MALRD1: variants seen among roughly 807,000 people sequenced by gnomAD.
MALRD1 encodes MAM and LDL-receptor class A domain-containing protein 1.
Under a neutral mutation model 242.1 loss-of-function variants are expected in MALRD1, and 247 were observed. The ratio of observed to expected loss-of-function variants is 1.02; its 90% CI spans 0.92 to 1.13. The LOEUF is 1.13. Ranked by LOEUF, MALRD1 falls within the 50% of genes most tolerant of loss-of-function variation. The pLI is 0.00. For synonymous variants in MALRD1, 995 were observed against 866.6 expected (o/e 1.15, Z -2.60); for missense variants, 2,989 against 2,533.1 (o/e 1.18, Z -3.86).
chr10:19,708,340 C>CTT (rs545136011), intron 38 of MALRD1, among the ~76,000 whole-genome samples: 28 of 76,094 alleles, frequency 3.7e-4, no homozygotes, highest in African/African-American at 1.1e-3. Context: ...TTTTCTTTTT[C>CTT]TTTTTTTTTT....
At chr10:19,242,366 A>T (rs534527643) in intron 18 of MALRD1, among the ~76,000 whole-genome samples, 17 of 152,282 alleles carry the variant, frequency 1.1e-4, no homozygotes, top group African/African-American at 4.1e-4. Flanking sequence ...AGCTATAATC[A>T]AGATGAGATT....
At chr10:19,171,675 TACAC>T (rs1296873030) in intron 13 of MALRD1, among the ~76,000 whole-genome samples, 4 of 142,874 alleles carry the variant, frequency 2.8e-5, no homozygotes, top group African/African-American at 5.1e-5. Context: ...TGTATATAAA[TACAC>T]ACATATATGT....
chr10:19,436,715 G>C (rs1834363733), intron 28 of MALRD1, among the ~76,000 whole-genome samples: 1 of 151,998 alleles, frequency 6.6e-6, no homozygotes. Context: ...TAATACATTT[G>C]CATTGATTGG....
chr10:19,458,123 A>C (rs1330546572), intron 29 of MALRD1, among the ~76,000 whole-genome samples: 1 of 152,130 alleles, frequency 6.6e-6, no homozygotes, highest in Non-Finnish European at 1.5e-5. Context: ...CACTTGATAT[A>C]ATTTGTTAAA....
chr10:19,101,663 A>C (rs1267081645), intron 4 of MALRD1, among the ~76,000 whole-genome samples: 1 of 134,604 alleles, frequency 7.4e-6, no homozygotes, highest in Non-Finnish European at 1.5e-5. Context: ...CTATAGGTAC[A>C]TCTATGTATA....
chr10:19,141,593 A>G (rs1357861773), intron 10 of MALRD1, among the ~76,000 whole-genome samples: 4 of 151,480 alleles, frequency 2.6e-5, no homozygotes, highest in Non-Finnish European at 3.0e-5. Context: ...ACAATTTTCA[A>G]TAACTCATAT....
chr10:19,344,962 G>A (rs548390039), intron 24 of MALRD1, among the ~76,000 whole-genome samples: 121 of 152,172 alleles, frequency 8.0e-4, no homozygotes, highest in African/African-American at 2.8e-3. Context: ...GATGGCACAG[G>A]TGTCTGATAT....
chr10:19,707,027 CT>C (rs1195608053), intron 38 of MALRD1, among the ~76,000 whole-genome samples: 1 of 151,254 alleles, frequency 6.6e-6, no homozygotes, highest in Non-Finnish European at 1.5e-5. Context: ...CTTCCTCCTT[CT>C]CCTTCTCTTC....
intron 18 of MALRD1, among the ~76,000 whole-genome samples, chr10:19,246,882 G>C (rs1054504562): frequency 6.6e-6 from 1 of 152,082 alleles, no homozygotes; most frequent in African/African-American, 2.4e-5. Context: ...TCATCAGTTT[G>C]ATATAAAGGG....
At chr10:19,524,274 G>A (rs1318127430) in intron 31 of MALRD1, among the ~76,000 whole-genome samples, 1 of 152,056 alleles carries the variant, frequency 6.6e-6, no homozygotes, top group Non-Finnish European at 1.5e-5. Flanking sequence ...TCAGGAGTTC[G>A]AGATCAGCCT....
At chr10:19,597,776 A>G (rs1288908682) in intron 34 of MALRD1, among the ~76,000 whole-genome samples, 2 of 152,202 alleles carry the variant, frequency 1.3e-5, no homozygotes, top group African/African-American at 4.8e-5. Flanking sequence ...ACCTCGTGTT[A>G]GAAGGCACAT....
At chr10:19,576,971 T>G (rs1054596788) in intron 33 of MALRD1, among the ~76,000 whole-genome samples, 91 of 151,952 alleles carry the variant, frequency 6.0e-4, no homozygotes, top group African/African-American at 2.0e-3. Flanking sequence ...GTCGTTTTTT[T>G]TTTTTTTTTT....
intron 36 of MALRD1, among the ~76,000 whole-genome samples, chr10:19,631,692 G>A (rs1353584656): frequency 6.6e-6 from 1 of 152,074 alleles, no homozygotes; most frequent in African/African-American, 2.4e-5. Context: ...ATTCTGATTG[G>A]TGTGAGATGC....
chr10:19,519,196 C>T (rs1356945348), intron 31 of MALRD1, among the ~76,000 whole-genome samples: 1 of 124,806 alleles, frequency 8.0e-6, no homozygotes, highest in Non-Finnish European at 1.9e-5. Context: ...CAAAATTTTT[C>T]ATCAGCATAG....
chr10:19,287,825 A>T (rs1284728558), intron 21 of MALRD1, among the ~76,000 whole-genome samples: 1 of 152,130 alleles, frequency 6.6e-6, no homozygotes, highest in East Asian at 1.9e-4. Flanking sequence ...GACTGTGTAT[A>T]GTTATATAGT....
chr10:19,236,728 C>T (rs985020391), intron 18 of MALRD1, among the ~76,000 whole-genome samples: 85 of 152,054 alleles, frequency 5.6e-4, no homozygotes, highest in African/African-American at 1.9e-3. Flanking sequence ...TTTCCAAATA[C>T]TTTAAAATTT....
chr10:19,469,564 C>T (rs1431858957), intron 29 of MALRD1, among the ~76,000 whole-genome samples: 1 of 151,980 alleles, frequency 6.6e-6, no homozygotes, highest in Non-Finnish European at 1.5e-5. Context: ...GATGAATATT[C>T]CTAAAATAAG....
chr10:19,556,125 T>C (rs1224301016), intron 32 of MALRD1, among the ~76,000 whole-genome samples: 1 of 152,144 alleles, frequency 6.6e-6, no homozygotes, highest in African/African-American at 2.4e-5. Context: ...AGCTTTATTA[T>C]TGGAGCAGTT....
chr10:19,379,931 T>C (rs1337302875), intron 26 of MALRD1, among the ~76,000 whole-genome samples: 1 of 152,062 alleles, frequency 6.6e-6, no homozygotes, highest in Non-Finnish European at 1.5e-5. Flanking sequence ...TGTGTGTTTG[T>C]TGTAATTACA....
Sources: allele counts gnomAD v4.1 joint callset (sites outside exome capture counted in the v4.1 genomes callset), GRCh38; gene constraint gnomAD v4.1.1; transcripts MANE v1.5; gene names NCBI Gene and HGNC (gene_info 2026-07-23, HGNC 2026-07-21).